TGFB2: variants seen among roughly 807,000 people sequenced by gnomAD.
The protein encoded by TGFB2 is transforming growth factor beta-2 proprotein.
In TGFB2, 13 loss-of-function variants were observed where a neutral mutation model predicts 42.7. The ratio of observed to expected loss-of-function variants is 0.30; its 90% confidence interval spans 0.20 to 0.48. The LOEUF (loss-of-function observed/expected upper bound fraction) is 0.48, where lower values mean the gene tolerates loss of function less well. TGFB2 is among the 20% of genes least tolerant of loss of function. TGFB2 has a pLI of 0.99. For missense variants in TGFB2, 390 were observed against 517.5 expected (o/e 0.75, Z 2.39); for synonymous variants, 193 against 193.6 (o/e 1.00, Z 0.03).
At chr1:218,374,163 T>C (rs1657664181) in intron 1 of TGFB2, among the ~76,000 whole-genome samples, 1 of 152,230 alleles carries the variant, frequency 6.6e-6, no homozygotes, top group South Asian at 2.1e-4. Flanking sequence ...CTTTTGTTGT[T>C]GGCAGATTTG....
At chr1:218,434,482 G>C in intron 4 of TGFB2, 34 bp downstream of exon 4, 1 of 1,341,272 alleles carries the variant, frequency 7.5e-7, no homozygotes, top group Non-Finnish European at 1.1e-6. Flanking sequence ...GGTGGGGGAG[G>C]GAAGGGTCTA....
Position 218,443,126 on chromosome 1 carries a change from C to A in TGFB2, c.*1764C>A, listed in dbSNP as rs949764042. 2.0e-5 allele frequency: 3 copies of A among 152,178 alleles called. No homozygotes were observed. Among genetic ancestry groups the A allele is most frequent in the Admixed American group, 6.5e-5 (1 of 15,270 alleles). 9.4% of individuals were successfully genotyped at this position (152,178 alleles called of 1,614,324 possible). A position where few individuals can be genotyped will look rare whatever the true frequency, so the allele number is the denominator to read the frequency against. Reference sequence around the variant, plus strand: ...TTCTTTGAAGGGGAAAAGGCACAAGCCAATTTTTCCTATGATCAAAAAATT... The same window carrying A: ...TTCTTTGAAGGGGAAAAGGCACAAGACAATTTTTCCTATGATCAAAAAATT... On this transcript the variant is annotated 3_prime_UTR_variant, in exon 7 of 7. Coordinates refer to ENST00000366930, the MANE Select transcript of TGFB2 (RefSeq NM_003238.6).
chr1:218,423,950 C>G (rs1659538554), intron 2 of TGFB2, among the ~76,000 whole-genome samples: 1 of 152,198 alleles, frequency 6.6e-6, no homozygotes, highest in Non-Finnish European at 1.5e-5. Flanking sequence ...ACTCCAAAGC[C>G]TCTGCACCTT....
chr1:218,387,732 C>T (rs959811324), intron 1 of TGFB2, among the ~76,000 whole-genome samples: 3 of 152,212 alleles, frequency 2.0e-5, no homozygotes, highest in African/African-American at 7.2e-5. Context: ...GGTTACTGTA[C>T]AAGGCCTGTT....
intron 1 of TGFB2, among the ~76,000 whole-genome samples, chr1:218,347,555 T>C (rs1424648021): frequency 6.6e-6 from 1 of 152,186 alleles, no homozygotes; most frequent in Non-Finnish European, 1.5e-5. Context: ...GCCTTCTCTA[T>C]TGTCTCTAAC....
Position 218,346,510 on chromosome 1 carries a change from T to C in TGFB2, c.-192T>C, listed in dbSNP as rs1406150642. On this transcript the variant is annotated 5_prime_UTR_variant, in exon 1 of 7. Transcript: ENST00000366930. The surrounding 1 kb of genome is among the most constrained non-coding windows in gnomAD (Gnocchi z 4.9). ...TCCACTTTTGGAACTACTGGCCTTT[T>C]CTTTTTAAAGGAATTCAAGCAGGAT... 1.8e-6 allele frequency: 1 copy of C among 541,580 alleles called. No individual in the cohort carries two copies. The highest frequency in any genetic ancestry group is 2.0e-5 in the African/African-American group (1 of 50,534). The allele number at this position is 541,580 out of a possible 1,614,324, so 33.5% of individuals were successfully genotyped here. A position where few individuals can be genotyped will look rare whatever the true frequency, so the allele number is the denominator to read the frequency against.
intron 1 of TGFB2, among the ~76,000 whole-genome samples, chr1:218,402,501 A>G (rs974120333): frequency 1.3e-5 from 2 of 152,220 alleles, no homozygotes; most frequent in Non-Finnish European, 2.9e-5. Context: ...AGGCAGCCAT[A>G]AAAAGAAAAG....
chr1:218,419,832 C>T (rs1269514904), intron 2 of TGFB2, among the ~76,000 whole-genome samples: 2 of 151,938 alleles, frequency 1.3e-5, no homozygotes, highest in Admixed American at 6.6e-5. Context: ...AGATAATAAC[C>T]ATGTAGGTAA....
At chr1:218,363,429 T>G (rs756431682) in intron 1 of TGFB2, 1 of 1,610,874 alleles carries the variant, frequency 6.2e-7, no homozygotes, top group South Asian at 1.1e-5. Flanking sequence ...TGAGTACACT[T>G]GTCTGCTTTA....
At chr1:218,406,470 T>A (rs1387754965) in intron 2 of TGFB2, among the ~76,000 whole-genome samples, 1 of 152,182 alleles carries the variant, frequency 6.6e-6, no homozygotes, top group Non-Finnish European at 1.5e-5. Context: ...AGAATCCCCA[T>A]TTTAACAAGA....
At position 218,411,886 on chromosome 1, in the gene TGFB2, C is replaced by T. The variant is rs192088747; in HGVS notation, c.510+6554C>T. ...TCTCAAAAAAAAAAAAAAAAAATAG[C>T]AGGCCCAGAAATGACACAGCATCAC... On this transcript the variant is annotated intron_variant, in intron 2 of 6. Coordinates refer to ENST00000366930, the MANE Select transcript of TGFB2 (RefSeq NM_003238.6). 2.9e-4 allele frequency among the ~76,000 whole-genome samples: 44 copies of T among 149,856 alleles called. No individual in the cohort carries two copies. The East Asian group carries it at 8.2e-3, about 28-fold the overall frequency.
At chr1:218,388,822 G>A (rs1432202323) in intron 1 of TGFB2, among the ~76,000 whole-genome samples, 2 of 152,170 alleles carry the variant, frequency 1.3e-5, no homozygotes, top group African/African-American at 4.8e-5. Flanking sequence ...TCTTGTCAGA[G>A]TATCAGTGCC....
At chr1:218,428,527 GGGATCC>G (rs1482926467) in intron 2 of TGFB2, among the ~76,000 whole-genome samples, 1 of 151,972 alleles carries the variant, frequency 6.6e-6, no homozygotes, top group Non-Finnish European at 1.5e-5. Flanking sequence ...GTGTAAGGAA[GGGATCC>G]AATTTCAGCT....
chr1:218,415,208 C>A (rs986043912), intron 2 of TGFB2, among the ~76,000 whole-genome samples: 2 of 152,126 alleles, frequency 1.3e-5, no homozygotes, highest in African/African-American at 4.8e-5. Context: ...TTACAGTTTC[C>A]GAGCATTGAG....
At chr1:218,436,230 C>T in intron 5 of TGFB2, 83 bp downstream of exon 5, 1 of 1,452,122 alleles carries the variant, frequency 6.9e-7, no homozygotes, top group East Asian at 2.3e-5. Context: ...TGTGTATTGA[C>T]CCAAGTGGAA....
At chr1:218,397,176 G>A (rs546605682) in intron 1 of TGFB2, among the ~76,000 whole-genome samples, 11 of 151,998 alleles carry the variant, frequency 7.2e-5, no homozygotes, top group African/African-American at 2.4e-4. Context: ...GCTGAGACAG[G>A]TGAGTTGCGT....
rs1252642310 is a variant in TGFB2 at position 218,442,319 on chromosome 1, T to C, written c.*957T>C. ...TTGGTATATGTAACCATACCTATAT[T>C]ATTAAAATAGATGGATATAGAAGCC... On this transcript the variant is annotated 3_prime_UTR_variant, in exon 7 of 7. Transcript: ENST00000366930. The C allele has an allele frequency of 6.6e-6, 1 of 152,144 alleles. No individual in the cohort carries two copies. The highest frequency in any genetic ancestry group is 1.5e-5 in the Non-Finnish European group (1 of 67,998). The allele number at this position is 152,144 out of a possible 1,614,324, so 9.4% of individuals were successfully genotyped here.
chr1:218,423,627 T>G (rs1182284774), intron 2 of TGFB2, among the ~76,000 whole-genome samples: 1 of 152,160 alleles, frequency 6.6e-6, no homozygotes, highest in African/African-American at 2.4e-5. Context: ...TTAGAGATAT[T>G]GTTTAGATTA....
chr1:218,438,283 C>A (rs1415810117), intron 6 of TGFB2, among the ~76,000 whole-genome samples: 2 of 151,980 alleles, frequency 1.3e-5, no homozygotes, highest in African/African-American at 4.8e-5. Flanking sequence ...TGTGAAGGGA[C>A]CCAGGTCTCC....
Sources: allele counts gnomAD v4.1 joint callset (sites outside exome capture counted in the v4.1 genomes callset), GRCh38; gene constraint gnomAD v4.1.1; non-coding constraint Gnocchi (gnomAD v3.1); transcripts MANE v1.5; gene names NCBI Gene and HGNC (gene_info 2026-07-23, HGNC 2026-07-21).